Variants in CTNNA2 observed in about 807,000 individuals in gnomAD.
CTNNA2 encodes catenin alpha 2, also known as catenin alpha-2.
CTNNA2 carries 42 observed loss-of-function variants against 101.0 expected under a neutral mutation model. The observed-to-expected ratio is 0.42, with a 90% CI of 0.32 to 0.54. CTNNA2 has a LOEUF of 0.54. CTNNA2 is among the 20% of genes least tolerant of loss of function. The probability of loss-of-function intolerance (pLI) is 0.14; values close to 1 mark genes in which losing one functional copy is unlikely to be tolerated. For missense variants in CTNNA2, 871 were observed against 1,223.1 expected (o/e 0.71, Z 4.29); for synonymous variants, 450 against 456.4 (o/e 0.99, Z 0.18).
At chr2:79,962,931 C>T (rs6547289) in intron 7 of CTNNA2, among the ~76,000 whole-genome samples, 86,139 of 151,196 alleles carry the variant, frequency 0.57, 24,883 homozygotes, top group East Asian at 0.67. Flanking sequence ...ATTAACCGGG[C>T]GTAGTGGCGG....
intron 7 of CTNNA2, among the ~76,000 whole-genome samples, chr2:79,955,962 G>C (rs1252321389): frequency 6.6e-6 from 1 of 152,228 alleles, no homozygotes; most frequent in Admixed American, 6.5e-5. Flanking sequence ...CTGATAAGAA[G>C]TAAAAGAGGC....
At chr2:80,330,208 C>CA (rs1671196127) in intron 7 of CTNNA2, among the ~76,000 whole-genome samples, 1 of 152,228 alleles carries the variant, frequency 6.6e-6, no homozygotes, top group African/African-American at 2.4e-5. Flanking sequence ...AGCAAGGTGC[C>CA]AAAGGTTTTA....
intron 2 of CTNNA2, among the ~76,000 whole-genome samples, chr2:79,256,534 G>GA (rs1376045669): frequency 1.3e-5 from 2 of 152,164 alleles, no homozygotes; most frequent in African/African-American, 4.8e-5. Context: ...CATCAGAGGA[G>GA]AAAACTAAGA....
At chr2:79,281,863 T>C (rs559570662) in intron 2 of CTNNA2, among the ~76,000 whole-genome samples, 46 of 152,276 alleles carry the variant, frequency 3.0e-4, no homozygotes, top group African/African-American at 1.1e-3. Context: ...GTTTTTAGAG[T>C]AGAGATGCTG....
intron 9 of CTNNA2, among the ~76,000 whole-genome samples, chr2:80,447,506 A>T (rs2149450696): frequency 6.6e-6 from 1 of 152,318 alleles, no homozygotes; most frequent in Non-Finnish European, 1.5e-5. Flanking sequence ...TTCATACAAA[A>T]TTGTGCATAG....
At chr2:80,579,658 A>G (rs1179622325) in intron 13 of CTNNA2, among the ~76,000 whole-genome samples, 2 of 152,222 alleles carry the variant, frequency 1.3e-5, no homozygotes, top group Admixed American at 6.5e-5. Context: ...AAACATCTGT[A>G]GATGACTGAG....
At chr2:79,234,631 C>A (rs1258278985) in intron 2 of CTNNA2, among the ~76,000 whole-genome samples, 1 of 152,142 alleles carries the variant, frequency 6.6e-6, no homozygotes, top group East Asian at 1.9e-4. Context: ...AATATGGTTT[C>A]CAAATTACTT....
intron 9 of CTNNA2, among the ~76,000 whole-genome samples, chr2:80,505,286 C>T (rs1004943482): frequency 1.3e-5 from 2 of 152,178 alleles, no homozygotes; most frequent in African/African-American, 4.8e-5. Flanking sequence ...ACGTAAAGCT[C>T]CCACCCCAGG....
chr2:79,627,346 A>C (rs758860643), intron 1 of CTNNA2, among the ~76,000 whole-genome samples: 5 of 152,234 alleles, frequency 3.3e-5, no homozygotes, highest in Non-Finnish European at 7.3e-5. Flanking sequence ...AGCTGTTTGA[A>C]ATGTGCCATG....
intron 12 of CTNNA2, among the ~76,000 whole-genome samples, chr2:80,564,792 A>G (rs1693906806): frequency 2.0e-5 from 3 of 152,212 alleles, no homozygotes; most frequent in Admixed American, 2.0e-4. Flanking sequence ...AGGTAGAAAC[A>G]GCTGACAAAT....
intron 4 of CTNNA2, among the ~76,000 whole-genome samples, chr2:79,398,545 T>A (rs7606450): frequency 0.79 from 119,457 of 151,978 alleles, 47,109 homozygotes; most frequent in East Asian, 0.93. Context: ...ATAAACAGGG[T>A]ATCACAGCTC....
intron 7 of CTNNA2, among the ~76,000 whole-genome samples, chr2:80,322,454 C>A (rs1678793936): frequency 6.6e-6 from 1 of 152,114 alleles, no homozygotes; most frequent in South Asian, 2.1e-4. Flanking sequence ...ACACACAATT[C>A]GGGCCCACGT....
At chr2:79,346,326 C>A (rs73940510) in intron 3 of CTNNA2, among the ~76,000 whole-genome samples, 1 of 152,078 alleles carries the variant, frequency 6.6e-6, no homozygotes, top group East Asian at 1.9e-4. Context: ...CTACAAAGAA[C>A]CCTGTTGCTA....
At chr2:79,384,895 T>A (rs551828041) in intron 4 of CTNNA2, among the ~76,000 whole-genome samples, 20 of 152,306 alleles carry the variant, frequency 1.3e-4, no homozygotes, top group African/African-American at 4.3e-4. Context: ...AAAAATCACA[T>A]TAAAAGGCAT....
At chr2:80,496,997 C>T (rs113971490) in intron 9 of CTNNA2, among the ~76,000 whole-genome samples, 264 of 152,158 alleles carry the variant, frequency 1.7e-3, no homozygotes, top group African/African-American at 6.1e-3. Flanking sequence ...ATGAACGAAG[C>T]GCCTGAAAGA....
intron 3 of CTNNA2, among the ~76,000 whole-genome samples, chr2:79,855,115 T>A (rs1681024364): frequency 6.6e-6 from 1 of 152,242 alleles, no homozygotes. Flanking sequence ...ATCTTCTATT[T>A]ATCTTAGAAT....
intron 7 of CTNNA2, among the ~76,000 whole-genome samples, chr2:80,137,347 G>C (rs1433403705): frequency 6.6e-6 from 1 of 152,146 alleles, no homozygotes; most frequent in Non-Finnish European, 1.5e-5. Context: ...AAAACTGTCA[G>C]AGTTGCTCAA....
chr2:80,381,388 AC>A (rs1676501526), intron 7 of CTNNA2, among the ~76,000 whole-genome samples: 1 of 152,056 alleles, frequency 6.6e-6, no homozygotes, highest in African/African-American at 2.4e-5. Context: ...TAAAAAGAAG[AC>A]CTTATTTCTG....
Position 80,303,379 on chromosome 2 carries a change from G to A in CTNNA2, c.1057-89832G>A. ...GGTCGGGCGCGAGCGCCTGCAGCTTGTTGTACGAGAGGTCCACGCTGCGCA... is the reference window on the plus strand; with the variant it reads ...GGTCGGGCGCGAGCGCCTGCAGCTTATTGTACGAGAGGTCCACGCTGCGCA... On this transcript the variant is annotated intron_variant, in intron 7 of 18. Transcript: ENST00000402739. The surrounding 1 kb of genome is among the most constrained non-coding windows in gnomAD (Gnocchi z 7.7). 6.2e-7 allele frequency: 1 copy of A among 1,614,206 alleles called. No homozygotes were observed. The highest frequency in any genetic ancestry group is 8.5e-7 in the Non-Finnish European group (1 of 1,180,048).
Sources: gnomAD v4.1 joint callset for allele counts (sites outside exome capture counted in the v4.1 genomes callset) on GRCh38, gnomAD v4.1.1 for gene constraint, Gnocchi (gnomAD v3.1) non-coding constraint, MANE v1.5 for transcripts, NCBI Gene and HGNC (gene_info 2026-07-23, HGNC 2026-07-21) for gene names.